The following PTPRD variants were observed in gnomAD, a reference collection of about 807,000 sequenced individuals.
PTPRD encodes receptor-type tyrosine-protein phosphatase delta.
A neutral mutation model predicts 214.5 loss-of-function variants in PTPRD; 34 were observed. That is an observed-to-expected ratio of 0.16 (90% CI 0.12 to 0.21). PTPRD has a LOEUF of 0.21. Among genes scored for constraint, PTPRD ranks in the 10% least tolerant of loss-of-function variants. PTPRD has a pLI of 1.00. For synonymous variants in PTPRD, 1,128 were observed against 845.7 expected, an observed-to-expected ratio of 1.33 and a Z score of -5.79; for missense variants, 2,545 against 2,398.7, an observed-to-expected ratio of 1.06 and a Z score of -1.27.
chr9:9,075,885 C>T (rs1352010315), intron 10 of PTPRD, among the ~76,000 whole-genome samples: 1 of 152,118 alleles, frequency 6.6e-6, no homozygotes, highest in Non-Finnish European at 1.5e-5. Flanking sequence ...GTGCATGTGT[C>T]TTTATAGCAG....
At chr9:9,114,338 A>G (rs1320835029) in intron 10 of PTPRD, among the ~76,000 whole-genome samples, 1 of 152,194 alleles carries the variant, frequency 6.6e-6, no homozygotes, top group Non-Finnish European at 1.5e-5. Context: ...GCTGAATTGT[A>G]AAATGATAAG....
At chr9:8,581,457 G>C (rs1244422784) in intron 14 of PTPRD, among the ~76,000 whole-genome samples, 1 of 152,094 alleles carries the variant, frequency 6.6e-6, no homozygotes. Flanking sequence ...AGAAAGAAAA[G>C]GGTGGCCGGG....
At chr9:8,669,476 T>C (rs1244413093) in intron 12 of PTPRD, among the ~76,000 whole-genome samples, 3 of 152,186 alleles carry the variant, frequency 2.0e-5, no homozygotes, top group African/African-American at 4.8e-5. Context: ...GGAAATCCCA[T>C]CCCTAGAGTT....
intron 7 of PTPRD, among the ~76,000 whole-genome samples, chr9:9,610,368 T>G (rs964413070): frequency 6.6e-6 from 1 of 152,198 alleles, no homozygotes; most frequent in Non-Finnish European, 1.5e-5. Flanking sequence ...AGTTATATTA[T>G]AAAGAGAATT....
chr9:8,725,227 TG>T, intron 12 of PTPRD, among the ~76,000 whole-genome samples: 1 of 152,306 alleles, frequency 6.6e-6, no homozygotes, highest in South Asian at 2.1e-4. Flanking sequence ...ATGAGCCACT[TG>T]GCTGCTTATT....
In PTPRD at chr9:10,458,393, G is replaced by T. The variant is rs145304676; in HGVS notation, c.-599-117376C>A. On this transcript the variant is annotated intron_variant, in intron 2 of 45. Transcript: ENST00000381196. ...TATCTAAAAGGTTGTTTTAACATATGCAAATCAACCAATGGATACATCATG... is the reference window on the plus strand; with the variant it reads ...TATCTAAAAGGTTGTTTTAACATATTCAAATCAACCAATGGATACATCATG... Among the ~76,000 whole-genome samples, 528 of 152,216 alleles carry T rather than the reference G, an allele frequency of 3.5e-3. 7 individuals are homozygous for T. Among genetic ancestry groups the T allele is most frequent in the African/African-American group, 8.1e-3 (335 of 41,542 alleles).
chr9:9,242,342 G>T (rs1395660381), intron 9 of PTPRD, among the ~76,000 whole-genome samples: 1 of 152,070 alleles, frequency 6.6e-6, no homozygotes, highest in African/African-American at 2.4e-5. Context: ...CTCTTCTCAA[G>T]GAGTATCTTT....
intron 5 of PTPRD, among the ~76,000 whole-genome samples, chr9:9,770,611 T>A (rs1302573819): frequency 2.6e-5 from 4 of 152,134 alleles, no homozygotes; most frequent in Non-Finnish European, 4.4e-5. Flanking sequence ...CTCATTCCTA[T>A]CATAATACTC....
At chr9:8,698,874 G>A (rs2097998865) in intron 12 of PTPRD, among the ~76,000 whole-genome samples, 1 of 152,010 alleles carries the variant, frequency 6.6e-6, no homozygotes, top group Non-Finnish European at 1.5e-5. Context: ...CCTTCTCACT[G>A]TTCAAGAACA....
intron 5 of PTPRD, among the ~76,000 whole-genome samples, chr9:9,885,569 G>C (rs2070542444): frequency 4.6e-5 from 7 of 152,020 alleles, no homozygotes; most frequent in Admixed American, 4.6e-4. Flanking sequence ...GGGGGGACTA[G>C]TCTGAATTGT....
intron 14 of PTPRD, among the ~76,000 whole-genome samples, chr9:8,560,680 C>G (rs565898527): frequency 6.6e-6 from 1 of 152,216 alleles, no homozygotes; most frequent in East Asian, 1.9e-4. Context: ...AACCATTAAA[C>G]AAACAGGACC....
chr9:10,233,747 T>A (rs1046081919), intron 3 of PTPRD, among the ~76,000 whole-genome samples: 1 of 152,006 alleles, frequency 6.6e-6, no homozygotes, highest in Non-Finnish European at 1.5e-5. Flanking sequence ...AATTTTCATA[T>A]TCAGCTTGGG....
At chr9:9,500,584 G>C (rs191769688) in intron 8 of PTPRD, among the ~76,000 whole-genome samples, 1 of 152,036 alleles carries the variant, frequency 6.6e-6, no homozygotes, top group Non-Finnish European at 1.5e-5. Context: ...TGGGTTCCCT[G>C]TGGAACACTG....
intron 10 of PTPRD, among the ~76,000 whole-genome samples, chr9:9,172,347 T>C (rs541419621): frequency 1.3e-5 from 2 of 152,250 alleles, no homozygotes; most frequent in East Asian, 3.9e-4. Flanking sequence ...AATGACACAG[T>C]AGCAAAGTAA....
chr9:10,468,654 A>G (rs1441963612), intron 2 of PTPRD, among the ~76,000 whole-genome samples: 2 of 152,194 alleles, frequency 1.3e-5, no homozygotes, highest in African/African-American at 4.8e-5. Context: ...TAATAAAAAC[A>G]TTAAAAAGAA....
intron 3 of PTPRD, among the ~76,000 whole-genome samples, chr9:10,098,782 A>T (rs1284270729): frequency 6.6e-6 from 1 of 151,782 alleles, no homozygotes; most frequent in Non-Finnish European, 1.5e-5. Context: ...CTGCACATAA[A>T]ACCAGTTGAA....
chr9:9,837,411 A>G (rs1428075892), intron 5 of PTPRD, among the ~76,000 whole-genome samples: 2 of 152,270 alleles, frequency 1.3e-5, no homozygotes, highest in South Asian at 2.1e-4. Flanking sequence ...ATTTTAGTCA[A>G]TAACCAAATT....
intron 9 of PTPRD, among the ~76,000 whole-genome samples, chr9:9,281,351 A>C (rs1297609018): frequency 2.0e-5 from 3 of 151,378 alleles, no homozygotes; most frequent in Non-Finnish European, 4.4e-5. Flanking sequence ...AAAGACATCT[A>C]ATAAAAGACT....
intron 30 of PTPRD, among the ~76,000 whole-genome samples, chr9:8,481,223 G>A (rs1042565180): frequency 6.8e-6 from 1 of 148,102 alleles, no homozygotes; most frequent in African/African-American, 2.5e-5. Flanking sequence ...TGGGAATAAT[G>A]TTTTAGAAAT....
Sources: allele counts gnomAD v4.1 joint callset (sites outside exome capture counted in the v4.1 genomes callset), GRCh38; gene constraint gnomAD v4.1.1; transcripts MANE v1.5; gene names NCBI Gene and HGNC (gene_info 2026-07-23, HGNC 2026-07-21).